The following SLC9A4 variants were observed in gnomAD, a reference collection of about 807,000 sequenced individuals.
SLC9A4 encodes the protein sodium/hydrogen exchanger 4.
In SLC9A4, 63 loss-of-function variants were observed where a neutral mutation model predicts 67.4. The observed-to-expected ratio is 0.93, with a 90% CI of 0.76 to 1.15. The LOEUF (loss-of-function observed/expected upper bound fraction) is 1.15, where lower values mean the gene tolerates loss of function less well. SLC9A4 is among the 50% of genes most tolerant of loss of function. The pLI, the probability that SLC9A4 is intolerant of heterozygous loss-of-function variation, is 0.00. For synonymous variants in SLC9A4, 393 were observed against 367.2 expected (o/e 1.07, Z -0.80); for missense variants, 1,089 against 987.7 (o/e 1.10, Z -1.38).
chr2:102,480,385 C>T (rs1396462576), intron 2 of SLC9A4, among the ~76,000 whole-genome samples: 8 of 150,132 alleles, frequency 5.3e-5, no homozygotes, highest in African/African-American at 2.0e-4. Context: ...TTTTTTGAGA[C>T]AGAGTTTCAC....
chr2:102,504,227 T>C (rs902285961), intron 3 of SLC9A4, among the ~76,000 whole-genome samples: 2 of 152,176 alleles, frequency 1.3e-5, no homozygotes, highest in African/African-American at 4.8e-5. Flanking sequence ...TAATTTTTTG[T>C]ATTTTTAGTG....
chr2:102,474,869 T>C (rs980050520), intron 1 of SLC9A4, among the ~76,000 whole-genome samples: 7 of 152,270 alleles, frequency 4.6e-5, no homozygotes, highest in Non-Finnish European at 1.0e-4. Flanking sequence ...CTTATTGAGA[T>C]AGAATCAATG....
At chr2:102,495,876 G>C (rs1298436717) in intron 2 of SLC9A4, among the ~76,000 whole-genome samples, 1 of 152,056 alleles carries the variant, frequency 6.6e-6, no homozygotes, top group Non-Finnish European at 1.5e-5. Flanking sequence ...ATGTATCATA[G>C]ATGAAATGGA....
Position 102,478,936 on chromosome 2 carries a change from C to T in SLC9A4, c.354C>T (p.Asp118=), listed in dbSNP as rs1684391750. The T allele has an allele frequency of 6.2e-7, 1 of 1,614,140 alleles. No homozygotes were observed. The highest frequency in any genetic ancestry group is 1.3e-5 in the African/African-American group (1 of 75,056). The stretch of plus-strand genomic sequence containing the variant: ...TGGGCGGCATCATCTTCGGCACCGA[C>T]CACAAATCGCCTCCGGTCATGGACT... ...ALVGGIIFGT[D]HKSPPVMDSS... is the part of the protein sequence containing the mutation. The change falls in exon 2 of 12, where the codon GAC becomes GAT. Residue 118 remains aspartate (D), a synonymous_variant. Coordinates refer to ENST00000295269, the MANE Select transcript of SLC9A4 (RefSeq NM_001011552.4).
At chr2:102,483,841 T>TACACACACACACACAC (rs34552153) in intron 2 of SLC9A4, among the ~76,000 whole-genome samples, 116 of 126,762 alleles carry the variant, frequency 9.2e-4, no homozygotes, top group African/African-American at 3.6e-3. Context: ...TATATATATA[T>TACACACACACACACAC]ACACACACAC....
At chr2:102,518,766 A>G (rs908405296) in intron 8 of SLC9A4, among the ~76,000 whole-genome samples, 2 of 152,142 alleles carry the variant, frequency 1.3e-5, no homozygotes, top group African/African-American at 4.8e-5. Flanking sequence ...ATAAATACTC[A>G]TGTCTGTGGC....
intron 2 of SLC9A4, among the ~76,000 whole-genome samples, chr2:102,481,575 C>G (rs992514345): frequency 1.3e-5 from 2 of 151,930 alleles, no homozygotes; most frequent in Admixed American, 1.3e-4. Context: ...GCAAATGTTG[C>G]GTCTTGCTCA....
intron 8 of SLC9A4, among the ~76,000 whole-genome samples, chr2:102,517,859 A>G (rs1173261871): frequency 6.6e-6 from 1 of 152,186 alleles, no homozygotes; most frequent in Non-Finnish European, 1.5e-5. Context: ...GATCTCCTTT[A>G]TGGATAATGA....
intron 1 of SLC9A4, among the ~76,000 whole-genome samples, chr2:102,475,628 T>G (rs1018023605): frequency 3.9e-5 from 6 of 152,322 alleles, no homozygotes; most frequent in Middle Eastern, 3.4e-3. Context: ...ATGATGTAAT[T>G]TAACATACTT....
chr2:102,493,600 A>T (rs1684749292), intron 2 of SLC9A4, among the ~76,000 whole-genome samples: 1 of 151,780 alleles, frequency 6.6e-6, no homozygotes, highest in Non-Finnish European at 1.5e-5. Flanking sequence ...CTCCCCTAAC[A>T]CATAGGGATT....
In SLC9A4 at chr2:102,502,931, G is replaced by C. The variant is rs375749869; in HGVS notation, c.721-517G>C. ...GGCCAAAGCCGCAGGGTTGCAGAGG[G>C]ATCACTTTCAGAGCCTGTGGCTCAG... On this transcript the variant is annotated intron_variant, in intron 2 of 11. Transcript: ENST00000295269. Among the ~76,000 whole-genome samples the C allele has an allele frequency of 5.3e-5, 8 of 152,234 alleles. No individual in the cohort carries two copies. In the East Asian group the frequency reaches 9.6e-4, roughly 18 times the overall value.
chr2:102,493,026 C>A (rs1408466848), intron 2 of SLC9A4, among the ~76,000 whole-genome samples: 1 of 152,210 alleles, frequency 6.6e-6, no homozygotes, highest in Admixed American at 6.5e-5. Context: ...ATAAGTTGTT[C>A]ATCTCCATCT....
chr2:102,525,264 A>C, intron 10 of SLC9A4, 109 bp downstream of exon 10: 2 of 1,504,690 alleles, frequency 1.3e-6, no homozygotes, highest in Non-Finnish European at 1.8e-6. Flanking sequence ...ATGCTTAAAC[A>C]AACAAAACCC....
chr2:102,483,294 C>G (rs1047452510), intron 2 of SLC9A4, among the ~76,000 whole-genome samples: 3 of 152,146 alleles, frequency 2.0e-5, no homozygotes, highest in Non-Finnish European at 4.4e-5. Flanking sequence ...AGAGAAGCCC[C>G]AGGGCCATAT....
rs1438383100 is a variant in SLC9A4, at chr2:102,525,128, A to G, written c.1923A>G (p.Lys641=). Residue 641 remains lysine (K), a synonymous_variant, in exon 10 of 12, where the codon AAA becomes AAG. Coordinates refer to ENST00000295269, the MANE Select transcript of SLC9A4 (RefSeq NM_001011552.4). ...ACACCTTAAGGGAGAGCATGAGGAAAGGTCACAGCCTGCCCTGGGGAAAGC... is the reference window on the plus strand; with the variant it reads ...ACACCTTAAGGGAGAGCATGAGGAAGGGTCACAGCCTGCCCTGGGGAAAGC... ...RQNTLRESMR[K]GHSLPWGKPA... is the part of the protein sequence containing the mutation. The G allele has an allele frequency of 8.7e-6, 14 of 1,613,926 alleles. No individual in the cohort carries two copies. The highest frequency in any genetic ancestry group is 1.1e-5 in the Non-Finnish European group (13 of 1,179,964).
chr2:102,501,129 T>G (rs542942905), intron 2 of SLC9A4, among the ~76,000 whole-genome samples: 1 of 151,724 alleles, frequency 6.6e-6, no homozygotes, highest in Admixed American at 6.6e-5. Flanking sequence ...TGGCTAATTT[T>G]TTTTTTTCAA....
At chr2:102,480,544 A>C (rs1321997849) in intron 2 of SLC9A4, among the ~76,000 whole-genome samples, 1 of 152,188 alleles carries the variant, frequency 6.6e-6, no homozygotes, top group Non-Finnish European at 1.5e-5. Flanking sequence ...TGAATGCGTC[A>C]TTCAGGTTGT....
intron 2 of SLC9A4, among the ~76,000 whole-genome samples, chr2:102,503,024 G>A (rs1684974360): frequency 6.6e-6 from 1 of 152,250 alleles, no homozygotes; most frequent in Non-Finnish European, 1.5e-5. Flanking sequence ...AAAAACTGCA[G>A]GAAGGCCCTT....
Position 102,526,347 on chromosome 2 carries a change from G to T in SLC9A4, c.2038+1G>T. The T allele has an allele frequency of 6.2e-7, 1 of 1,613,556 alleles. No homozygotes were observed. The highest frequency in any genetic ancestry group is 1.7e-4 in the Middle Eastern group (1 of 6,052). On this transcript the variant is annotated splice_donor_variant, in intron 11 of 11. Transcript: ENST00000295269. LOFTEE classifies it high-confidence loss of function. ...GACACAAGGGCTGCTGGGTTCTCAG[G>T]TAAGCTGCCCACCTGGCTGCTCTGC...
Sources: gnomAD v4.1 joint callset for allele counts (sites outside exome capture counted in the v4.1 genomes callset) on GRCh38, gnomAD v4.1.1 for gene constraint, MANE v1.5 for transcripts, NCBI Gene and HGNC (gene_info 2026-07-23, HGNC 2026-07-21) for gene names.